The following RSRC1 variants were observed in gnomAD, a reference collection of about 807,000 sequenced individuals.
RSRC1 encodes the protein serine/Arginine-related protein 53.
RSRC1 carries 39 observed loss-of-function variants against 49.1 expected under a neutral mutation model. That is an observed-to-expected ratio of 0.79 (90% CI 0.61 to 1.04). RSRC1 has a LOEUF of 1.04. RSRC1 is among the 50% of genes least tolerant of loss of function. The probability of loss-of-function intolerance (pLI) is 0.00; values close to 1 mark genes in which losing one functional copy is unlikely to be tolerated. For synonymous variants in RSRC1, 143 were observed against 130.8 expected (o/e 1.09, Z -0.63); for missense variants, 388 against 402.4 (o/e 0.96, Z 0.31).
intron 6 of RSRC1, among the ~76,000 whole-genome samples, chr3:158,411,395 GAATT>G (rs1447472151): frequency 6.6e-6 from 1 of 152,002 alleles, no homozygotes; most frequent in Non-Finnish European, 1.5e-5. Flanking sequence ...GTGGATATAC[GAATT>G]AATTTTTTTC....
In RSRC1 at chr3:158,514,416, G is replaced by T. The variant is rs1740378662; in HGVS notation, c.653-22676G>T. On this transcript the variant is annotated intron_variant, in intron 7 of 9. Transcript: ENST00000611884. ...GAGCAGTTTGTTCAGTTTCCATGTA[G>T]TTGAGCGGTTTTGAGTGAGATTCCT... is the stretch of plus-strand genomic sequence containing the variant. Among the ~76,000 whole-genome samples the T allele has an allele frequency of 2.6e-5, 4 of 152,306 alleles. No individual in the cohort carries two copies. The South Asian group carries it at 8.3e-4, about 32-fold the overall frequency.
intron 4 of RSRC1, among the ~76,000 whole-genome samples, chr3:158,290,373 C>T (rs934129016): frequency 5.3e-5 from 8 of 151,954 alleles, no homozygotes; most frequent in African/African-American, 1.2e-4. Context: ...CCCAGGTTCA[C>T]GCCATTCTCC....
intron 6 of RSRC1, among the ~76,000 whole-genome samples, chr3:158,366,364 T>C (rs371613516): frequency 6.6e-6 from 1 of 152,220 alleles, no homozygotes; most frequent in Non-Finnish European, 1.5e-5. Flanking sequence ...TTTCTGCATA[T>C]GGCTAGCCAG....
intron 5 of RSRC1, among the ~76,000 whole-genome samples, chr3:158,339,782 T>G (rs2108212217): frequency 6.6e-6 from 1 of 152,332 alleles, no homozygotes; most frequent in East Asian, 1.9e-4. Context: ...AAAAAGCTGA[T>G]AGCCTGGTAG....
At chr3:158,443,226 A>T (rs1736484197) in intron 6 of RSRC1, among the ~76,000 whole-genome samples, 1 of 152,152 alleles carries the variant, frequency 6.6e-6, no homozygotes, top group Admixed American at 6.6e-5. Flanking sequence ...AAGCTTTGAC[A>T]CCAGGCATTG....
At position 158,544,394 on chromosome 3, in the gene RSRC1, T is replaced by C. The variant is rs1452423512; in HGVS notation, c.*119T>C. 1.9e-6 allele frequency: 1 copy of C among 533,586 alleles called. No homozygotes were observed. Among genetic ancestry groups the C allele is most frequent in the Non-Finnish European group, 3.3e-6 (1 of 304,258 alleles). The allele number at this position is 533,586 out of a possible 1,614,324, so 33.1% of individuals were successfully genotyped here. A position where few individuals can be genotyped will look rare whatever the true frequency, so the allele number is the denominator to read the frequency against. ...TTTTGCTGATTATATATAAAGGTAG[T>C]CTCATTTCATTTGTCTCTCATGTAG... is the stretch of plus-strand genomic sequence containing the variant. On this transcript the variant is annotated 3_prime_UTR_variant, in exon 10 of 10. Coordinates refer to ENST00000611884, the MANE Select transcript of RSRC1 (RefSeq NM_001271838.2).
chr3:158,245,805 G>T (rs1454717179), intron 4 of RSRC1, among the ~76,000 whole-genome samples: 2 of 152,146 alleles, frequency 1.3e-5, no homozygotes, highest in Non-Finnish European at 1.5e-5. Flanking sequence ...AGAGCATTGT[G>T]TAATGCTCTT....
intron 5 of RSRC1, among the ~76,000 whole-genome samples, chr3:158,329,962 G>T (rs146421686): frequency 1.3e-5 from 2 of 152,200 alleles, no homozygotes; most frequent in Non-Finnish European, 2.9e-5. Flanking sequence ...CCTCGCTGCC[G>T]CCTTGCAGTT....
At chr3:158,341,779 G>A (rs1201746993) in intron 5 of RSRC1, among the ~76,000 whole-genome samples, 2 of 152,152 alleles carry the variant, frequency 1.3e-5, no homozygotes. Context: ...GCCTGGAAAA[G>A]CCACAGACAC....
intron 3 of RSRC1, among the ~76,000 whole-genome samples, chr3:158,190,346 T>G (rs1310877041): frequency 6.6e-6 from 1 of 151,976 alleles, no homozygotes; most frequent in Non-Finnish European, 1.5e-5. Context: ...TTTTGGAACC[T>G]CAACTAGTTG....
At chr3:158,472,539 T>C (rs548698051) in intron 7 of RSRC1, among the ~76,000 whole-genome samples, 1 of 152,290 alleles carries the variant, frequency 6.6e-6, no homozygotes, top group African/African-American at 2.4e-5. Context: ...TAATGCTCAG[T>C]TGGAAAAACA....
chr3:158,273,887 C>A (rs769157781), intron 4 of RSRC1, among the ~76,000 whole-genome samples: 1 of 152,052 alleles, frequency 6.6e-6, no homozygotes, highest in South Asian at 2.1e-4. Flanking sequence ...TCTTTCTCAT[C>A]GTAGTTGCTT....
chr3:158,330,562 T>C (rs894716459), intron 5 of RSRC1, among the ~76,000 whole-genome samples: 9 of 152,182 alleles, frequency 5.9e-5, no homozygotes, highest in African/African-American at 2.2e-4. Flanking sequence ...AGGTACACTA[T>C]ATCTCATTAA....
chr3:158,298,162 T>C (rs773473261), intron 5 of RSRC1, 87 bp downstream of exon 5: 30 of 993,194 alleles, frequency 3.0e-5, no homozygotes, highest in Non-Finnish European at 4.6e-5. Flanking sequence ...TTGAATACTT[T>C]GTATTGAGAA....
At chr3:158,466,295 T>C (rs1191803112) in intron 7 of RSRC1, among the ~76,000 whole-genome samples, 1 of 152,204 alleles carries the variant, frequency 6.6e-6, no homozygotes, top group Non-Finnish European at 1.5e-5. Context: ...TTTACTTATT[T>C]TCAGTAAGAT....
intron 6 of RSRC1, among the ~76,000 whole-genome samples, chr3:158,418,560 C>A (rs1274375387): frequency 6.6e-6 from 1 of 151,828 alleles, no homozygotes; most frequent in Non-Finnish European, 1.5e-5. Flanking sequence ...GGTTGACATT[C>A]TTTTGTGGAC....
intron 6 of RSRC1, among the ~76,000 whole-genome samples, chr3:158,449,741 G>C (rs773453552): frequency 9.9e-5 from 15 of 152,018 alleles, no homozygotes; most frequent in Non-Finnish European, 1.8e-4. Context: ...TCTGAGACTT[G>C]ACTGCACTGA....
chr3:158,453,761 T>G (rs1482984852), intron 6 of RSRC1, among the ~76,000 whole-genome samples: 3 of 152,108 alleles, frequency 2.0e-5, no homozygotes, highest in African/African-American at 7.2e-5. Context: ...CCTCTAGATT[T>G]TCTAATGTAT....
At chr3:158,390,336 T>G (rs1374543288) in intron 6 of RSRC1, among the ~76,000 whole-genome samples, 1 of 152,174 alleles carries the variant, frequency 6.6e-6, no homozygotes, top group Non-Finnish European at 1.5e-5. Context: ...TTAGTGGTCT[T>G]AGACCTGGCC....
Sources: allele counts gnomAD v4.1 joint callset (sites outside exome capture counted in the v4.1 genomes callset), GRCh38; gene constraint gnomAD v4.1.1; transcripts MANE v1.5; gene names NCBI Gene and HGNC (gene_info 2026-07-23, HGNC 2026-07-21).